Variants in PIGK observed in about 807,000 individuals in gnomAD.
PIGK encodes the protein phosphatidylinositol glycan anchor biosynthesis class K.
In PIGK, 42 loss-of-function variants were observed where a neutral mutation model predicts 50.6. The observed-to-expected ratio is 0.83, with a 90% confidence interval of 0.65 to 1.07. The LOEUF (loss-of-function observed/expected upper bound fraction) is 1.07, where lower values mean the gene tolerates loss of function less well. Ranked by LOEUF, PIGK falls within the 50% of genes least tolerant of loss-of-function variation. PIGK has a pLI of 0.00. For synonymous variants in PIGK, 151 were observed against 156.0 expected (o/e 0.97, Z 0.24); for missense variants, 448 against 488.7 (o/e 0.92, Z 0.78).
At chr1:77,163,158 T>C (rs1655165349) in intron 6 of PIGK, among the ~76,000 whole-genome samples, 1 of 152,220 alleles carries the variant, frequency 6.6e-6, no homozygotes, top group Non-Finnish European at 1.5e-5. Flanking sequence ...TTCCACACAT[T>C]GCTTATGCTT....
At chr1:77,190,323 C>A (rs1655873058) in intron 3 of PIGK, among the ~76,000 whole-genome samples, 2 of 152,040 alleles carry the variant, frequency 1.3e-5, no homozygotes, top group African/African-American at 4.8e-5. Flanking sequence ...ACTGCCTAAA[C>A]CCAGGAGATC....
At chr1:77,180,670 T>C (rs534962560) in intron 3 of PIGK, among the ~76,000 whole-genome samples, 20 of 118,848 alleles carry the variant, frequency 1.7e-4, no homozygotes, top group Non-Finnish European at 2.7e-4. Flanking sequence ...AGATCAACAT[T>C]GGTTCCGTGG....
intron 10 of PIGK, among the ~76,000 whole-genome samples, chr1:77,107,824 A>T (rs1238554462): frequency 6.6e-6 from 1 of 152,126 alleles, no homozygotes; most frequent in Non-Finnish European, 1.5e-5. Flanking sequence ...TGTTGAATTG[A>T]TCCCTATACC....
chr1:77,144,085 C>G (rs1456242373), intron 9 of PIGK, among the ~76,000 whole-genome samples: 3 of 151,964 alleles, frequency 2.0e-5, no homozygotes, highest in Non-Finnish European at 2.9e-5. Context: ...AGCTAGTAAA[C>G]GGCAGAGGAT....
At chr1:77,185,820 A>G (rs933689667) in intron 3 of PIGK, among the ~76,000 whole-genome samples, 4 of 152,202 alleles carry the variant, frequency 2.6e-5, no homozygotes, top group Non-Finnish European at 5.9e-5. Context: ...TCATAGGTGA[A>G]CCACAGCGGA....
At chr1:77,153,068 G>A (rs1219738356) in intron 9 of PIGK, among the ~76,000 whole-genome samples, 2 of 152,134 alleles carry the variant, frequency 1.3e-5, no homozygotes, top group Non-Finnish European at 1.5e-5. Context: ...GCACTCCCAT[G>A]TCTATTGCAG....
intron 10 of PIGK, among the ~76,000 whole-genome samples, chr1:77,096,151 C>A (rs1001339170): frequency 2.0e-5 from 3 of 152,076 alleles, no homozygotes; most frequent in African/African-American, 7.2e-5. Context: ...GATACAAAGA[C>A]AACAGGCTGA....
intron 1 of PIGK, among the ~76,000 whole-genome samples, chr1:77,213,234 T>C (rs1245257477): frequency 4.6e-5 from 7 of 152,286 alleles, no homozygotes; most frequent in Middle Eastern, 3.4e-3. Context: ...TTACAGGACA[T>C]TTCTTCCAAC....
At position 77,202,990 on chromosome 1, in the gene PIGK, T is replaced by G. The variant is rs544982382; in HGVS notation, c.239+3650A>C. Among the ~76,000 whole-genome samples the G allele has an allele frequency of 2.6e-5, 4 of 152,284 alleles. No individual in the cohort carries two copies. In the East Asian group the frequency reaches 7.7e-4, roughly 29 times the overall value. On this transcript the variant is annotated intron_variant, in intron 3 of 10. Transcript: ENST00000370812. ...CTACATTCCCTCAGTCAGCCTCAAT[T>G]CCCATGTGCTTCGCAGAGCATGGAG...
intron 10 of PIGK, among the ~76,000 whole-genome samples, chr1:77,112,151 T>C (rs1355902798): frequency 6.6e-6 from 1 of 151,922 alleles, no homozygotes; most frequent in Non-Finnish European, 1.5e-5. Flanking sequence ...ATGTTAAAAA[T>C]CTGTAACTAA....
chr1:77,100,810 G>A (rs1446524965), intron 10 of PIGK, among the ~76,000 whole-genome samples: 3 of 152,176 alleles, frequency 2.0e-5, no homozygotes, highest in Non-Finnish European at 4.4e-5. Context: ...GTTGTACGGT[G>A]CACCAGACAC....
chr1:77,141,323 T>C (rs1422984390), intron 9 of PIGK, among the ~76,000 whole-genome samples: 2 of 152,178 alleles, frequency 1.3e-5, no homozygotes, highest in East Asian at 3.9e-4. Flanking sequence ...TTTTGTCTGC[T>C]CTTTACTTCT....
At chr1:77,104,730 A>G (rs1292185300) in intron 10 of PIGK, among the ~76,000 whole-genome samples, 1 of 152,128 alleles carries the variant, frequency 6.6e-6, no homozygotes, top group Non-Finnish European at 1.5e-5. Context: ...ACCATGCTCA[A>G]CTCCTTGTGG....
rs763535015 is a variant in PIGK, at chr1:77,129,321, T to G, written c.987-6962A>C. ...ACGTTACAATGGTGGAGTTGGCAGG[T>G]GTGCGCAGGCCAAGCAGTGGGGCTG... On this transcript the variant is annotated intron_variant, in intron 9 of 10. Coordinates refer to ENST00000370812, the MANE Select transcript of PIGK (RefSeq NM_005482.3). 2.5e-6 allele frequency: 4 copies of G among 1,595,276 alleles called. No homozygotes were observed. In the East Asian group the frequency reaches 8.9e-5, roughly 36 times the overall value.
intron 10 of PIGK, among the ~76,000 whole-genome samples, chr1:77,105,860 T>C (rs975301618): frequency 7.9e-5 from 12 of 152,180 alleles, no homozygotes; most frequent in South Asian, 6.2e-4. Context: ...AAGAAAAAGT[T>C]TGTAGTTCCT....
intron 9 of PIGK, 133 bp downstream of exon 9, chr1:77,154,316 T>C (rs148654903): frequency 8.0e-6 from 5 of 628,364 alleles, no homozygotes; most frequent in African/African-American, 7.4e-5. Context: ...ACAGCCTACA[T>C]AAAGTGAAGA....
chr1:77,215,428 A>T (rs1055579766), intron 1 of PIGK, among the ~76,000 whole-genome samples: 2 of 152,118 alleles, frequency 1.3e-5, no homozygotes, highest in Admixed American at 1.3e-4. Flanking sequence ...GCTAGTTAAG[A>T]TGTAGACAAA....
intron 9 of PIGK, among the ~76,000 whole-genome samples, chr1:77,127,840 CA>C (rs1255581644): frequency 6.6e-6 from 1 of 152,040 alleles, no homozygotes; most frequent in Non-Finnish European, 1.5e-5. Flanking sequence ...ATAGAGAAAT[CA>C]AATTAATTTC....
At chr1:77,093,992 A>G (rs2100505688) in intron 10 of PIGK, among the ~76,000 whole-genome samples, 1 of 152,332 alleles carries the variant, frequency 6.6e-6, no homozygotes, top group Admixed American at 6.5e-5. Context: ...TATATTAAAG[A>G]TAAGTAATAT....
Sources: allele counts gnomAD v4.1 joint callset (sites outside exome capture counted in the v4.1 genomes callset), GRCh38; gene constraint gnomAD v4.1.1; transcripts MANE v1.5; gene names NCBI Gene and HGNC (gene_info 2026-07-23, HGNC 2026-07-21).